PHKB: variants seen among roughly 807,000 people sequenced by gnomAD.
The protein encoded by PHKB is phosphorylase b kinase regulatory subunit beta.
PHKB carries 122 observed loss-of-function variants against 152.1 expected under a neutral mutation model. The observed-to-expected ratio is 0.80, with a 90% CI of 0.69 to 0.93. PHKB has a LOEUF of 0.93. Among genes scored for constraint, PHKB ranks in the 40% least tolerant of loss-of-function variants. The pLI is 0.00. For missense variants in PHKB, 1,304 were observed against 1,328.4 expected, an observed-to-expected ratio of 0.98 and a Z score of 0.29; for synonymous variants, 436 against 464.9, an observed-to-expected ratio of 0.94 and a Z score of 0.80.
intron 1 of PHKB, among the ~76,000 whole-genome samples, chr16:47,488,958 T>A (rs567799965): frequency 1.2e-3 from 183 of 152,194 alleles, no homozygotes; most frequent in African/African-American, 3.9e-3. Flanking sequence ...ATTAAAAAAA[T>A]TTTTTTTTCT....
intron 6 of PHKB, among the ~76,000 whole-genome samples, chr16:47,542,705 A>T (rs1305295649): frequency 6.6e-6 from 1 of 152,164 alleles, no homozygotes; most frequent in Middle Eastern, 3.2e-3. Flanking sequence ...TTCCTTAAAG[A>T]GGTCCTTCAG....
chr16:47,581,900 G>A (rs1054685471), intron 8 of PHKB, among the ~76,000 whole-genome samples: 3 of 152,068 alleles, frequency 2.0e-5, no homozygotes, highest in South Asian at 2.1e-4. Flanking sequence ...GGCTGGTCTC[G>A]AACTCCTGAC....
chr16:47,487,391 T>A (rs1213925903), intron 1 of PHKB, among the ~76,000 whole-genome samples: 3 of 148,970 alleles, frequency 2.0e-5, no homozygotes, highest in Non-Finnish European at 3.0e-5. Context: ...AGACCAAATG[T>A]TATATTATTA....
At chr16:47,631,273 C>G (rs144148274) in intron 14 of PHKB, among the ~76,000 whole-genome samples, 1 of 152,168 alleles carries the variant, frequency 6.6e-6, no homozygotes, top group African/African-American at 2.4e-5. Context: ...AGGTTAAACT[C>G]TATCACTGAC....
chr16:47,655,610 C>T (rs937009947), intron 20 of PHKB, among the ~76,000 whole-genome samples: 3 of 152,184 alleles, frequency 2.0e-5, no homozygotes, highest in Non-Finnish European at 4.4e-5. Flanking sequence ...TAATGTCAAG[C>T]ACAGCATAGA....
chr16:47,522,429 C>T (rs1970700107), intron 6 of PHKB, among the ~76,000 whole-genome samples: 1 of 151,750 alleles, frequency 6.6e-6, no homozygotes, highest in Admixed American at 6.6e-5. Context: ...AGTCTTATCC[C>T]TTTTTTTCTT....
chr16:47,648,662 C>T (rs760685989), intron 17 of PHKB, 46 bp downstream of exon 17: 13 of 1,205,726 alleles, frequency 1.1e-5, no homozygotes, highest in Middle Eastern at 1.9e-4. Context: ...ATTCTAATAC[C>T]GCATACTGAA....
chr16:47,558,154 T>C (rs1338980237), intron 7 of PHKB, among the ~76,000 whole-genome samples: 1 of 148,742 alleles, frequency 6.7e-6, no homozygotes, highest in Non-Finnish European at 1.5e-5. Context: ...AAACACTGCA[T>C]GTTCTCACTC....
intron 6 of PHKB, among the ~76,000 whole-genome samples, chr16:47,535,389 A>G (rs1970934639): frequency 6.6e-6 from 1 of 152,184 alleles, no homozygotes; most frequent in Non-Finnish European, 1.5e-5. Context: ...TTCAGTGGTC[A>G]TTTATAAACT....
At chr16:47,660,924 T>A in intron 22 of PHKB, 105 bp downstream of exon 22, 1 of 1,154,194 alleles carries the variant, frequency 8.7e-7, no homozygotes, top group Non-Finnish European at 1.3e-6. Flanking sequence ...AGGTAGCAAT[T>A]AATCTGGAGG....
chr16:47,508,431 T>G (rs926973287), intron 4 of PHKB, among the ~76,000 whole-genome samples: 1 of 152,172 alleles, frequency 6.6e-6, no homozygotes, highest in African/African-American at 2.4e-5. Flanking sequence ...TGTTGCTGTA[T>G]CTATCTACTG....
intron 4 of PHKB, among the ~76,000 whole-genome samples, chr16:47,504,050 C>T (rs1011599158): frequency 6.6e-6 from 1 of 152,128 alleles, no homozygotes; most frequent in Admixed American, 6.5e-5. Flanking sequence ...AGGTTTGATG[C>T]TTCATTAGGA....
chr16:47,635,629 G>A (rs969674706), intron 14 of PHKB, among the ~76,000 whole-genome samples: 2 of 152,144 alleles, frequency 1.3e-5, no homozygotes, highest in African/African-American at 4.8e-5. Flanking sequence ...AGATGAGCAG[G>A]ATCATTGCTG....
At chr16:47,565,405 G>T in intron 7 of PHKB, 1 of 1,182,002 alleles carries the variant, frequency 8.5e-7, no homozygotes, top group Non-Finnish European at 1.3e-6. Context: ...CACTTGTAGG[G>T]ATTGCTGCTC....
At chr16:47,476,153 A>C (rs958279514) in intron 1 of PHKB, among the ~76,000 whole-genome samples, 4 of 152,154 alleles carry the variant, frequency 2.6e-5, no homozygotes, top group African/African-American at 9.7e-5. Flanking sequence ...TATATGAGTG[A>C]GCCTTGATTT....
intron 7 of PHKB, chr16:47,565,848 G>A (rs1457239479): frequency 2.4e-5 from 31 of 1,293,192 alleles, no homozygotes; most frequent in Non-Finnish European, 3.3e-5. Context: ...AGCTTGACTG[G>A]ACTGGGAGGT....
intron 10 of PHKB, chr16:47,590,673 G>C (rs1972013789): frequency 1.3e-5 from 2 of 152,166 alleles, no homozygotes; most frequent in Non-Finnish European, 1.5e-5. Flanking sequence ...TGTCCAGCAA[G>C]CTTTCTTGCT....
intron 13 of PHKB, among the ~76,000 whole-genome samples, chr16:47,596,799 G>A (rs993638180): frequency 7.9e-5 from 12 of 152,222 alleles, no homozygotes; most frequent in South Asian, 2.1e-4. Context: ...TAGGTTTCCT[G>A]CAGAAGATTA....
At chr16:47,566,181 T>C in intron 7 of PHKB, 1 of 698,270 alleles carries the variant, frequency 1.4e-6, no homozygotes, top group Non-Finnish European at 2.6e-6. Context: ...GCATGGGCCA[T>C]CCCAATACTC....
Sources: allele counts gnomAD v4.1 joint callset (sites outside exome capture counted in the v4.1 genomes callset), GRCh38; gene constraint gnomAD v4.1.1; transcripts MANE v1.5; gene names NCBI Gene and HGNC (gene_info 2026-07-23, HGNC 2026-07-21).